The following KCNJ6 variants were observed in gnomAD, a reference collection of about 807,000 sequenced individuals.
The protein encoded by KCNJ6 is G protein-activated inward rectifier potassium channel 2.
Under a neutral mutation model 34.2 loss-of-function variants are expected in KCNJ6, and 9 were observed. That is an observed-to-expected ratio of 0.26 (90% CI 0.16 to 0.46). The LOEUF (loss-of-function observed/expected upper bound fraction) is 0.46. KCNJ6 is among the 20% of genes least tolerant of loss of function. The pLI is 1.00. For synonymous variants in KCNJ6, 196 were observed against 207.1 expected (o/e 0.95, Z 0.46); for missense variants, 236 against 531.3 (o/e 0.44, Z 5.46).
chr21:37,849,026 C>T (rs1409331374), intron 1 of KCNJ6, among the ~76,000 whole-genome samples: 1 of 152,152 alleles, frequency 6.6e-6, no homozygotes, highest in Admixed American at 6.5e-5. Flanking sequence ...ATAGGACAAG[C>T]ATTATCACCA....
chr21:37,914,761 CA>C (rs1275221343), intron 1 of KCNJ6, among the ~76,000 whole-genome samples: 1 of 152,034 alleles, frequency 6.6e-6, no homozygotes, highest in East Asian at 1.9e-4. Flanking sequence ...TTTTTTTCAG[CA>C]AAAGAAAGGC....
intron 1 of KCNJ6, among the ~76,000 whole-genome samples, chr21:37,846,081 T>C (rs2055505771): frequency 6.6e-6 from 1 of 152,144 alleles, no homozygotes; most frequent in Non-Finnish European, 1.5e-5. Flanking sequence ...GGGTAGAGCA[T>C]TGACTTTCAG....
chr21:37,694,071 C>T (rs2054652938), intron 3 of KCNJ6, among the ~76,000 whole-genome samples: 1 of 152,168 alleles, frequency 6.6e-6, no homozygotes, highest in South Asian at 2.1e-4. Flanking sequence ...TGCCTTCCTG[C>T]CAGAGGGGCG....
chr21:37,830,271 G>A (rs904559720), intron 2 of KCNJ6, among the ~76,000 whole-genome samples: 1 of 152,212 alleles, frequency 6.6e-6, no homozygotes, highest in Non-Finnish European at 1.5e-5. Context: ...CAAGTGGAAG[G>A]TGGGAGGCCG....
At chr21:37,683,299 C>T (rs1211554402) in intron 3 of KCNJ6, among the ~76,000 whole-genome samples, 1 of 152,114 alleles carries the variant, frequency 6.6e-6, no homozygotes, top group African/African-American at 2.4e-5. Context: ...CAGAAATGGC[C>T]CTGGTTACCA....
At chr21:37,686,473 TTTTTTTTTTTTG>T (rs919522786) in intron 3 of KCNJ6, among the ~76,000 whole-genome samples, 6 of 107,320 alleles carry the variant, frequency 5.6e-5, no homozygotes, top group Admixed American at 1.0e-4. Flanking sequence ...TTTTTTTTTT[TTTTTTTTTTTTG>T]GAGATGGAGT....
chr21:37,737,893 A>G (rs1385312110), intron 2 of KCNJ6, among the ~76,000 whole-genome samples: 1 of 152,184 alleles, frequency 6.6e-6, no homozygotes, highest in Non-Finnish European at 1.5e-5. Flanking sequence ...TTGGAAGGAG[A>G]TAGAAGGATT....
chr21:37,910,133 A>G (rs1479387805), intron 1 of KCNJ6, among the ~76,000 whole-genome samples: 2 of 152,180 alleles, frequency 1.3e-5, no homozygotes, highest in East Asian at 3.9e-4. Flanking sequence ...GCCACAGCTG[A>G]CCAGCAGAGG....
intron 3 of KCNJ6, among the ~76,000 whole-genome samples, chr21:37,670,364 A>T (rs1475292851): frequency 2.6e-5 from 4 of 152,116 alleles, no homozygotes; most frequent in Admixed American, 6.5e-5. Flanking sequence ...GCATTTCCAT[A>T]TGAACTTGAG....
intron 2 of KCNJ6, among the ~76,000 whole-genome samples, chr21:37,746,864 TTTC>T (rs2054970089): frequency 6.6e-6 from 1 of 152,248 alleles, no homozygotes; most frequent in East Asian, 1.9e-4. Context: ...CAGTGGATTT[TTTC>T]TTTTGAGCTC....
chr21:37,726,604 G>C lies in KCNJ6; in HGVS notation c.26-11473C>G, dbSNP rs999836268. The stretch of plus-strand genomic sequence containing the variant: ...AATGTGTGCATGTTTGTGAATGTGT[G>C]TGTATGTGTGTGTGTAAAGAATGAA... On this transcript the variant is annotated intron_variant, in intron 2 of 3. Transcript: ENST00000609713. 3.3e-5 allele frequency among the ~76,000 whole-genome samples: 5 copies of C among 152,178 alleles called. No individual in the cohort carries two copies. The East Asian group carries it at 9.6e-4, about 29-fold the overall frequency.
chr21:37,665,615 G>T (rs1282886114), intron 3 of KCNJ6, among the ~76,000 whole-genome samples: 2 of 152,184 alleles, frequency 1.3e-5, no homozygotes, highest in Non-Finnish European at 2.9e-5. Flanking sequence ...GCTCAATGCA[G>T]GTGTGCCAAC....
intron 3 of KCNJ6, among the ~76,000 whole-genome samples, chr21:37,649,419 T>C (rs1417186802): frequency 6.6e-6 from 1 of 152,206 alleles, no homozygotes; most frequent in African/African-American, 2.4e-5. Context: ...TAGGAGTTAT[T>C]AATGAACATA....
At chr21:37,703,305 G>T (rs1024395218) in intron 3 of KCNJ6, among the ~76,000 whole-genome samples, 1 of 152,090 alleles carries the variant, frequency 6.6e-6, no homozygotes, top group Non-Finnish European at 1.5e-5. Context: ...CACAGCAACA[G>T]GGGGGAAGAA....
intron 3 of KCNJ6, among the ~76,000 whole-genome samples, chr21:37,626,778 C>T (rs928813866): frequency 6.6e-6 from 1 of 152,034 alleles, no homozygotes; most frequent in Admixed American, 6.5e-5. Flanking sequence ...CTTTTAGAGG[C>T]CCGTGAAAAT....
intron 2 of KCNJ6, among the ~76,000 whole-genome samples, chr21:37,837,606 G>A (rs2055458231): frequency 6.6e-6 from 1 of 152,102 alleles, no homozygotes; most frequent in South Asian, 2.1e-4. Flanking sequence ...ACATAGAGAT[G>A]TTCTAGTAAC....
At chr21:37,729,315 C>T (rs1441887824) in intron 2 of KCNJ6, among the ~76,000 whole-genome samples, 1 of 145,844 alleles carries the variant, frequency 6.9e-6, no homozygotes, top group East Asian at 2.0e-4. Flanking sequence ...ATATTCAATA[C>T]CCTGATTCTT....
chr21:37,769,449 TA>T (rs1218586896), intron 2 of KCNJ6, among the ~76,000 whole-genome samples: 11 of 149,616 alleles, frequency 7.4e-5, no homozygotes, highest in African/African-American at 9.8e-5. Context: ...ATTATTACTA[TA>T]TTTTTTTAGT....
At chr21:37,732,583 A>G (rs1000813454) in intron 2 of KCNJ6, among the ~76,000 whole-genome samples, 1 of 152,146 alleles carries the variant, frequency 6.6e-6, no homozygotes. Flanking sequence ...TTCCTCGTCA[A>G]TTTTCTGGGG....
Sources: allele counts gnomAD v4.1 joint callset (sites outside exome capture counted in the v4.1 genomes callset), GRCh38; gene constraint gnomAD v4.1.1; transcripts MANE v1.5; gene names NCBI Gene and HGNC (gene_info 2026-07-23, HGNC 2026-07-21).